The following ABL1 variants were observed in gnomAD, a reference collection of about 807,000 sequenced individuals.
ABL1 encodes the protein ABL proto-oncogene 1, non-receptor tyrosine kinase.
A neutral mutation model predicts 94.7 loss-of-function variants in ABL1; 11 were observed. The observed-to-expected ratio is 0.12, with a 90% CI of 0.07 to 0.19. The LOEUF (loss-of-function observed/expected upper bound fraction) is 0.19. Among genes scored for constraint, ABL1 ranks in the 10% least tolerant of loss-of-function variants. The pLI is 1.00. For synonymous variants in ABL1, 656 were observed against 622.4 expected, an observed-to-expected ratio of 1.05 and a Z score of -0.80; for missense variants, 1,082 against 1,489.4, an observed-to-expected ratio of 0.73 and a Z score of 4.50.
At chr9:130,756,026 C>A (rs1367235679) in intron 1 of ABL1, among the ~76,000 whole-genome samples, 2 of 152,092 alleles carry the variant, frequency 1.3e-5, no homozygotes, top group Non-Finnish European at 2.9e-5. Flanking sequence ...GACTTGATAG[C>A]ATAGTAGATG....
At chr9:130,724,766 AAAAAG>A in intron 1 of ABL1, 3 of 470,236 alleles carry the variant, frequency 6.4e-6, no homozygotes, top group Non-Finnish European at 8.3e-6. Context: ...AAAAAAAAAA[AAAAAG>A]CAAATAAATT....
Position 130,876,889 on chromosome 9 carries a change from G to A in ABL1, c.1271-1526G>A, listed in dbSNP as rs532675108. Among the ~76,000 whole-genome samples, 31 of 146,664 alleles carry A rather than the reference G, an allele frequency of 2.1e-4. 4 individuals are homozygous for A. The highest frequency in any genetic ancestry group is 6.3e-4 in the South Asian group (3 of 4,768). ...GTAGCTGAGACTATAGGCGCCCGCCGCCACACTCGGCCAATTTTTTTTCTA... is the reference window on the plus strand; with the variant it reads ...GTAGCTGAGACTATAGGCGCCCGCCACCACACTCGGCCAATTTTTTTTCTA... On this transcript the variant is annotated intron_variant, in intron 7 of 10. Transcript: ENST00000318560.
intron 3 of ABL1, among the ~76,000 whole-genome samples, chr9:130,858,249 G>A (rs1181551282): frequency 1.3e-5 from 2 of 151,994 alleles, no homozygotes; most frequent in Non-Finnish European, 2.9e-5. Context: ...GCAAGGAAAG[G>A]CCTGCGTATG....
At chr9:130,783,980 C>T (rs1311330117) in intron 1 of ABL1, among the ~76,000 whole-genome samples, 4 of 152,132 alleles carry the variant, frequency 2.6e-5, no homozygotes, top group East Asian at 1.9e-4. Context: ...TTTAAGAAAA[C>T]GTCCACAAGG....
chr9:130,720,868 G>A (rs1470964220), intron 1 of ABL1, among the ~76,000 whole-genome samples: 1 of 152,042 alleles, frequency 6.6e-6, no homozygotes, highest in Non-Finnish European at 1.5e-5. Flanking sequence ...GGGGCCAAGT[G>A]TGACTCTCAG....
intron 1 of ABL1, among the ~76,000 whole-genome samples, chr9:130,815,051 A>T (rs1709295732): frequency 6.6e-6 from 1 of 151,518 alleles, no homozygotes; most frequent in Non-Finnish European, 1.5e-5. Context: ...ATAATCAGAC[A>T]GGCCGGGCAT....
At chr9:130,858,528 C>T (rs922523222) in intron 3 of ABL1, among the ~76,000 whole-genome samples, 1 of 152,088 alleles carries the variant, frequency 6.6e-6, no homozygotes, top group African/African-American at 2.4e-5. Flanking sequence ...TCCAGCAGAC[C>T]GTCTGCGGAG....
intron 3 of ABL1, among the ~76,000 whole-genome samples, chr9:130,857,572 T>C (rs896097454): frequency 2.6e-5 from 4 of 152,220 alleles, no homozygotes; most frequent in Non-Finnish European, 4.4e-5. Flanking sequence ...AAACTTGTAA[T>C]TGCTATGGCT....
At chr9:130,802,305 G>A (rs1265595679) in intron 1 of ABL1, among the ~76,000 whole-genome samples, 1 of 151,984 alleles carries the variant, frequency 6.6e-6, no homozygotes, top group Non-Finnish European at 1.5e-5. Flanking sequence ...TGTTGCCCAG[G>A]CTGGTCTTGA....
At chr9:130,866,757 G>A (rs1831164064) in intron 4 of ABL1, among the ~76,000 whole-genome samples, 1 of 152,216 alleles carries the variant, frequency 6.6e-6, no homozygotes. Context: ...CTTGAATTTT[G>A]ATAGTATTGG....
chr9:130,886,473 G>C lies in ABL1; in HGVS notation c.*790G>C, dbSNP rs1415113397. The C allele has an allele frequency of 4.3e-6, 1 of 233,446 alleles. No homozygotes were observed. Among genetic ancestry groups the C allele is most frequent in the Non-Finnish European group, 8.5e-6 (1 of 118,066 alleles). The allele number at this position is 233,446 out of a possible 1,614,324, so 14.5% of individuals were successfully genotyped here. ...ACTGTGAATCCTGGCAAGAAAGCTT[G>C]AGTCTCAAGGGTGGCAGGTCACTGT... On this transcript the variant is annotated 3_prime_UTR_variant, in exon 11 of 11. Transcript: ENST00000318560.
intron 1 of ABL1, among the ~76,000 whole-genome samples, chr9:130,796,168 G>A (rs759737346): frequency 7.2e-5 from 11 of 152,010 alleles, no homozygotes; most frequent in Admixed American, 2.6e-4. Context: ...GTGAGACTCC[G>A]TCTCAAAAAA....
chr9:130,801,340 G>C (rs1490658201), intron 1 of ABL1, among the ~76,000 whole-genome samples: 2 of 152,094 alleles, frequency 1.3e-5, no homozygotes, highest in Non-Finnish European at 2.9e-5. Flanking sequence ...CGAGTCTCCT[G>C]CCTCAGCCTC....
chr9:130,726,439 G>A (rs1831587078), intron 1 of ABL1, among the ~76,000 whole-genome samples: 1 of 151,758 alleles, frequency 6.6e-6, no homozygotes, highest in Non-Finnish European at 1.5e-5. Flanking sequence ...ATGTCTATAG[G>A]GTCTGTGGTG....
chr9:130,871,733 T>C (rs923874614), intron 4 of ABL1, among the ~76,000 whole-genome samples: 1 of 152,234 alleles, frequency 6.6e-6, no homozygotes, highest in Non-Finnish European at 1.5e-5. Flanking sequence ...CTGAGTGTGT[T>C]AGCACCCCTT....
intron 1 of ABL1, among the ~76,000 whole-genome samples, chr9:130,722,511 A>G (rs62582868): frequency 0.19 from 29,448 of 152,154 alleles, 3,525 homozygotes; most frequent in Middle Eastern, 0.38. Flanking sequence ...TATTTTAGAG[A>G]CAGGGTCTTG....
rs147678568 is a variant in ABL1, at chr9:130,724,025, T to C, written c.136+9570T>C. 9.3e-4 allele frequency among the ~76,000 whole-genome samples: 141 copies of C among 152,282 alleles called. 1 individual carries two copies. The highest frequency in any genetic ancestry group is 2.9e-3 in the African/African-American group (120 of 41,572). On this transcript the variant is annotated intron_variant, in intron 1 of 10. Transcript: ENST00000372348. ...CCAGGTTTCACCATCTTAGCCAGTA[T>C]GGTCTCGATCTCCTGACCTCGTTAT...
At chr9:130,798,375 A>C (rs533048504) in intron 1 of ABL1, among the ~76,000 whole-genome samples, 1 of 152,334 alleles carries the variant, frequency 6.6e-6, no homozygotes, top group East Asian at 1.9e-4. Flanking sequence ...TGTGGGACTT[A>C]GAAAAGCTAT....
At position 130,756,628 on chromosome 9, in the gene ABL1, G is replaced by A. The variant is rs114408662; in HGVS notation, c.136+42173G>A. ...CATTTTGCCAAAAAAGAGAAGTTAG[G>A]GCTAGTGTGAGTTGAGGGGAAGGGG... is the stretch of plus-strand genomic sequence containing the variant. On this transcript the variant is annotated intron_variant, in intron 1 of 10. Transcript: ENST00000372348. 2.3e-3 allele frequency among the ~76,000 whole-genome samples: 343 copies of A among 152,226 alleles called. 1 individual carries two copies. The highest frequency in any genetic ancestry group is 7.7e-3 in the African/African-American group (321 of 41,532).
Sources: allele counts gnomAD v4.1 joint callset (sites outside exome capture counted in the v4.1 genomes callset), GRCh38; gene constraint gnomAD v4.1.1; transcripts MANE v1.5; gene names NCBI Gene and HGNC (gene_info 2026-07-23, HGNC 2026-07-21).